Variants in EXOC4 observed in about 807,000 individuals in gnomAD.
EXOC4 encodes the protein SEC8-like 1.
Under a neutral mutation model 107.2 loss-of-function variants are expected in EXOC4, and 71 were observed. The observed-to-expected ratio is 0.66, with a 90% CI of 0.55 to 0.81. The LOEUF (loss-of-function observed/expected upper bound fraction) is 0.81. Ranked by LOEUF, EXOC4 falls within the 30% of genes least tolerant of loss-of-function variation. The pLI is 0.00. For synonymous variants in EXOC4, 456 were observed against 441.2 expected (o/e 1.03, Z -0.42); for missense variants, 1,108 against 1,189.6 (o/e 0.93, Z 1.01).
intron 7 of EXOC4, among the ~76,000 whole-genome samples, chr7:133,441,643 T>A (rs960289973): frequency 2.0e-5 from 3 of 152,154 alleles, no homozygotes; most frequent in African/African-American, 7.2e-5. Flanking sequence ...TTCACCCACC[T>A]CGGCCTCCCA....
intron 14 of EXOC4, among the ~76,000 whole-genome samples, chr7:133,981,125 T>C (rs1387250641): frequency 6.6e-6 from 1 of 152,202 alleles, no homozygotes; most frequent in East Asian, 1.9e-4. Flanking sequence ...CTCTGTTTTT[T>C]ACTTCTAACA....
chr7:133,604,713 T>TCCTTCCTTCCTTCCTTCCTTCC (rs1474575504), intron 9 of EXOC4, among the ~76,000 whole-genome samples: 1 of 56,558 alleles, frequency 1.8e-5, no homozygotes, highest in African/African-American at 5.7e-5. Context: ...CTTCTTTCTT[T>TCCTTCCTTCCTTCCTTCCTTCC]TTTTTTTTTT....
At chr7:133,796,776 A>C (rs1365980805) in intron 10 of EXOC4, among the ~76,000 whole-genome samples, 1 of 152,160 alleles carries the variant, frequency 6.6e-6, no homozygotes, top group Admixed American at 6.5e-5. Flanking sequence ...AAGATTATTC[A>C]TAGTAATCTA....
At chr7:133,948,394 A>T (rs1800604032) in intron 14 of EXOC4, among the ~76,000 whole-genome samples, 1 of 152,180 alleles carries the variant, frequency 6.6e-6, no homozygotes, top group Non-Finnish European at 1.5e-5. Flanking sequence ...CTGACAGGGA[A>T]ATCCAAAAGA....
the EXOC4 span, among the ~76,000 whole-genome samples, chr7:134,084,314 G>C: frequency 1.3e-5 from 2 of 152,204 alleles, no homozygotes; most frequent in African/African-American, 4.8e-5. Flanking sequence ...ATAGTGAAGA[G>C]ATATAGCTCT....
At position 134,007,852 on chromosome 7, in the gene EXOC4, G is replaced by T. The variant is rs1460456672; in HGVS notation, c.2687+17G>T. The T allele has an allele frequency of 7.5e-6, 12 of 1,600,990 alleles. No individual in the cohort carries two copies. The East Asian group carries it at 2.7e-4, about 36-fold the overall frequency. ...CTTTGCAAGGTAGGAGGGAAAACTG[G>T]GTTTAGTTTCTTATGCCAAAGCTAA... On this transcript the variant is annotated intron_variant, in intron 17 of 17. Transcript: ENST00000253861.
chr7:133,945,709 C>T (rs1402388132), intron 14 of EXOC4, among the ~76,000 whole-genome samples: 3 of 152,236 alleles, frequency 2.0e-5, no homozygotes, highest in Admixed American at 1.3e-4. Flanking sequence ...CATCCCCCAA[C>T]CGCACAGTTG....
At chr7:133,412,713 A>T (rs1356983020) in intron 7 of EXOC4, among the ~76,000 whole-genome samples, 4 of 152,082 alleles carry the variant, frequency 2.6e-5, no homozygotes, top group Non-Finnish European at 5.9e-5. Flanking sequence ...AATTCATGTG[A>T]CACCATCAAG....
At chr7:133,679,542 G>GTCCA (rs59334789) in intron 10 of EXOC4, among the ~76,000 whole-genome samples, 31 of 145,452 alleles carry the variant, frequency 2.1e-4, no homozygotes, top group East Asian at 1.7e-3. Flanking sequence ...CCGTCCGTCC[G>GTCCA]TCCATCCATC....
At chr7:133,453,512 A>G (rs922329415) in intron 7 of EXOC4, among the ~76,000 whole-genome samples, 12 of 152,146 alleles carry the variant, frequency 7.9e-5, no homozygotes, top group Admixed American at 5.9e-4. Context: ...AACTTAATTA[A>G]ACTGTCATTT....
intron 14 of EXOC4, among the ~76,000 whole-genome samples, chr7:133,971,354 A>ATATG (rs1801222251): frequency 9.7e-6 from 1 of 103,604 alleles, no homozygotes; most frequent in Non-Finnish European, 1.9e-5. Context: ...ATATATATAT[A>ATATG]TATATATAGA....
chr7:134,021,451 C>T (rs529278954), intron 17 of EXOC4, among the ~76,000 whole-genome samples: 6 of 152,198 alleles, frequency 3.9e-5, no homozygotes, highest in South Asian at 2.1e-4. Flanking sequence ...AAAATGTAAA[C>T]GTGTAGGTAC....
chr7:134,001,960 G>C (rs1374900206), intron 15 of EXOC4, among the ~76,000 whole-genome samples: 1 of 152,146 alleles, frequency 6.6e-6, no homozygotes, highest in East Asian at 1.9e-4. Context: ...AAATACTTTA[G>C]CATAGATGCT....
intron 9 of EXOC4, among the ~76,000 whole-genome samples, chr7:133,627,894 A>G (rs915235983): frequency 1.3e-5 from 2 of 152,172 alleles, no homozygotes; most frequent in African/African-American, 2.4e-5. Context: ...AACTGATCCA[A>G]ATGTCTAGAC....
At chr7:134,050,240 T>A (rs1483751105) in intron 17 of EXOC4, among the ~76,000 whole-genome samples, 2 of 152,242 alleles carry the variant, frequency 1.3e-5, no homozygotes, top group African/African-American at 4.8e-5. Flanking sequence ...TATGCTTATT[T>A]TGTACCATTA....
At chr7:133,450,643 A>G (rs954045470) in intron 7 of EXOC4, among the ~76,000 whole-genome samples, 3 of 152,200 alleles carry the variant, frequency 2.0e-5, no homozygotes, top group African/African-American at 7.2e-5. Flanking sequence ...TACTGCTAGT[A>G]ATCAATTTCA....
At chr7:133,684,629 G>A (rs1562906611) in intron 10 of EXOC4, among the ~76,000 whole-genome samples, 1 of 152,164 alleles carries the variant, frequency 6.6e-6, no homozygotes, top group African/African-American at 2.4e-5. Context: ...TAAATTTCCA[G>A]TACAAAGGAG....
At chr7:133,766,001 A>G (rs1440652260) in intron 10 of EXOC4, among the ~76,000 whole-genome samples, 5 of 152,014 alleles carry the variant, frequency 3.3e-5, no homozygotes, top group Non-Finnish European at 4.4e-5. Flanking sequence ...TGAGGATGAT[A>G]TCTGGTAAAG....
At chr7:134,013,212 A>G (rs956209174) in intron 17 of EXOC4, among the ~76,000 whole-genome samples, 5 of 152,224 alleles carry the variant, frequency 3.3e-5, no homozygotes, top group African/African-American at 1.2e-4. Flanking sequence ...CAGTATCAAC[A>G]TGCATAAATC....
Sources: gnomAD v4.1 joint callset for allele counts (sites outside exome capture counted in the v4.1 genomes callset) on GRCh38, gnomAD v4.1.1 for gene constraint, MANE v1.5 for transcripts, NCBI Gene and HGNC (gene_info 2026-07-23, HGNC 2026-07-21) for gene names.